The following MAML2 variants were observed in gnomAD, a reference collection of about 807,000 sequenced individuals.
MAML2 encodes mastermind-like protein 2.
MAML2 carries 22 observed loss-of-function variants against 96.1 expected under a neutral mutation model. That is an observed-to-expected ratio of 0.23 (90% CI 0.16 to 0.33). The LOEUF (loss-of-function observed/expected upper bound fraction) is 0.33, where lower values mean the gene tolerates loss of function less well. Ranked by LOEUF, MAML2 falls within the 10% of genes least tolerant of loss-of-function variation. The probability of loss-of-function intolerance (pLI) is 1.00; values close to 1 mark genes in which losing one functional copy is unlikely to be tolerated. For synonymous variants in MAML2, 561 were observed against 521.3 expected (o/e 1.08, Z -1.04); for missense variants, 1,367 against 1,392.4 (o/e 0.98, Z 0.29).
At chr11:96,044,690 T>G (rs1373563785) in intron 2 of MAML2, among the ~76,000 whole-genome samples, 1 of 152,190 alleles carries the variant, frequency 6.6e-6, no homozygotes, top group Non-Finnish European at 1.5e-5. Flanking sequence ...TATACAAGCA[T>G]TAGCTGCTGA....
chr11:96,092,553 T>G lies in MAML2; in HGVS notation c.1478A>C (p.Gln493Pro). The part of the protein sequence containing the change: ...PSFGQQTFSP[Q>P]SSPMPGVAGG... ...AGCTACCCCAGGCATGGGGGAGCTC[T>G]GTGGGCTGAATGTCTGCTGACCAAA... is the stretch of plus-strand genomic sequence containing the variant. Residue 493 changes from glutamine (Q) to proline (P), a missense_variant, in exon 2 of 5, where the codon CAG (glutamine) becomes CCG (proline). Transcript: ENST00000524717. The surrounding 1 kb of genome is among the most constrained non-coding windows in gnomAD (Gnocchi z 4.1). 1 of 1,603,932 alleles carries G rather than the reference T, an allele frequency of 6.2e-7. No individual in the cohort carries two copies. The highest frequency in any genetic ancestry group is 1.1e-5 in the South Asian group (1 of 89,812).
rs76645071 is a variant in MAML2, at chr11:96,101,301, A to T, written c.514-7784T>A. Among the ~76,000 whole-genome samples, 289 of 152,344 alleles carry T rather than the reference A, an allele frequency of 1.9e-3. 1 individual carries two copies. Among genetic ancestry groups the T allele is most frequent in the Non-Finnish European group, 3.2e-3 (219 of 68,036 alleles). Reference sequence around the variant, plus strand: ...GAAACACTCTTCATTACAGGGCAGAAAAAAGGCATTTCATGATAGCATTTT... The same window carrying T: ...GAAACACTCTTCATTACAGGGCAGATAAAAGGCATTTCATGATAGCATTTT... On this transcript the variant is annotated intron_variant, in intron 1 of 4. Transcript: ENST00000524717.
At chr11:96,319,293 A>G (rs1863672359) in intron 1 of MAML2, among the ~76,000 whole-genome samples, 1 of 152,196 alleles carries the variant, frequency 6.6e-6, no homozygotes, top group Non-Finnish European at 1.5e-5. Context: ...AGTAGTTGGA[A>G]TGCCATCTCA....
At chr11:96,307,133 C>T (rs963262157) in intron 1 of MAML2, among the ~76,000 whole-genome samples, 1 of 152,202 alleles carries the variant, frequency 6.6e-6, no homozygotes, top group Non-Finnish European at 1.5e-5. Context: ...TGAGCTTTCC[C>T]ATGGCAACAT....
At chr11:96,241,409 CAG>C (rs962185723) in intron 1 of MAML2, among the ~76,000 whole-genome samples, 3 of 152,188 alleles carry the variant, frequency 2.0e-5, no homozygotes, top group African/African-American at 4.8e-5. Context: ...TGGTCCTTGA[CAG>C]GGGGTGATTT....
intron 1 of MAML2, among the ~76,000 whole-genome samples, chr11:96,196,977 AT>A (rs1861742876): frequency 1.3e-5 from 2 of 151,724 alleles, no homozygotes; most frequent in South Asian, 4.2e-4. Flanking sequence ...TTTTCTATAA[AT>A]GTGGAATGTT....
rs557491470 is a variant in MAML2 at position 96,039,685 on chromosome 11, G to T, written c.2140-47962C>A. ...TCATCGGCCGGGCGCGGTGGCTCAC[G>T]CCTGTAATCCCAGCACTTTGGGAGG... On this transcript the variant is annotated intron_variant, in intron 2 of 4. Transcript: ENST00000524717. 8.7e-5 allele frequency among the ~76,000 whole-genome samples: 13 copies of T among 149,070 alleles called. No homozygotes were observed. The East Asian group carries it at 2.6e-3, about 30-fold the overall frequency.
At chr11:96,325,680 G>A (rs1463842123) in intron 1 of MAML2, among the ~76,000 whole-genome samples, 3 of 151,270 alleles carry the variant, frequency 2.0e-5, no homozygotes, top group Non-Finnish European at 2.9e-5. Context: ...TTCACAAACC[G>A]TACCTTTCAG....
intron 1 of MAML2, among the ~76,000 whole-genome samples, chr11:96,318,631 C>T (rs921682502): frequency 3.9e-5 from 6 of 152,190 alleles, no homozygotes; most frequent in Non-Finnish European, 8.8e-5. Context: ...ATCCTAATTA[C>T]ATGGGCCCAC....
intron 1 of MAML2, among the ~76,000 whole-genome samples, chr11:96,104,825 A>T (rs1859996188): frequency 1.3e-5 from 2 of 151,722 alleles, no homozygotes; most frequent in Non-Finnish European, 2.9e-5. Context: ...GGAAGAAGTG[A>T]AGAGGGAGAG....
At chr11:96,116,271 TC>T (rs1860238937) in intron 1 of MAML2, among the ~76,000 whole-genome samples, 1 of 152,208 alleles carries the variant, frequency 6.6e-6, no homozygotes. Flanking sequence ...TTTGCATATG[TC>T]CCTTCTCACT....
chr11:96,304,427 G>A (rs1277575149), intron 1 of MAML2, among the ~76,000 whole-genome samples: 1 of 152,176 alleles, frequency 6.6e-6, no homozygotes, highest in Non-Finnish European at 1.5e-5. Context: ...AAATGATAGA[G>A]GATAGATTAT....
intron 1 of MAML2, among the ~76,000 whole-genome samples, chr11:96,199,208 A>G: frequency 6.7e-6 from 1 of 149,586 alleles, no homozygotes. Flanking sequence ...AAAAAAAAAA[A>G]AAAAAAAAAA....
chr11:96,233,957 CCT>C (rs1862333301), intron 1 of MAML2, among the ~76,000 whole-genome samples: 1 of 152,064 alleles, frequency 6.6e-6, no homozygotes, highest in Non-Finnish European at 1.5e-5. Flanking sequence ...GAAATCCAGC[CCT>C]CTCTCCATTT....
At chr11:96,216,190 GAA>G (rs1565251698) in intron 1 of MAML2, among the ~76,000 whole-genome samples, 2 of 152,192 alleles carry the variant, frequency 1.3e-5, no homozygotes, top group Non-Finnish European at 2.9e-5. Context: ...TTGGACACAG[GAA>G]AAAGATTCTC....
chr11:96,118,858 A>T (rs11021435), intron 1 of MAML2, among the ~76,000 whole-genome samples: 4,218 of 152,166 alleles, frequency 0.028, 77 homozygotes, highest in Middle Eastern at 0.054. Flanking sequence ...ACAAAAAAAA[A>T]TTCTTTTTTT....
At chr11:96,186,562 C>A (rs751212482) in intron 1 of MAML2, among the ~76,000 whole-genome samples, 1 of 152,060 alleles carries the variant, frequency 6.6e-6, no homozygotes, top group African/African-American at 2.4e-5. Flanking sequence ...GCACTCCAGC[C>A]TGGGCAACAA....
chr11:96,303,546 G>A (rs1357551977), intron 1 of MAML2, among the ~76,000 whole-genome samples: 1 of 151,994 alleles, frequency 6.6e-6, no homozygotes, highest in Non-Finnish European at 1.5e-5. Flanking sequence ...ATCCCAGTGT[G>A]GCCCATATAA....
chr11:96,092,775 C>T lies in MAML2; in HGVS notation c.1256G>A (p.Gly419Glu), dbSNP rs780601495. ...QSQAQPQTGS[G>E]ASRALPSWQE... ...CCAGCTTGGCAAGGCCCGGCTTGCT[C>T]CGGAGCCTGTCTGAGGCTGAGCCTG... The change falls in exon 2 of 5, where the codon GGA becomes GAA. Residue 419 changes from glycine (G) to glutamate (E), a missense_variant. Physicochemically the swap from Gly to Glu is moderately conservative, Grantham distance 98. Coordinates refer to ENST00000524717, the MANE Select transcript of MAML2 (RefSeq NM_032427.4). The surrounding 1 kb of genome is among the most constrained non-coding windows in gnomAD (Gnocchi z 4.1). The T allele has an allele frequency of 2.5e-6, 4 of 1,613,104 alleles. No individual in the cohort carries two copies. The South Asian group carries it at 3.3e-5, about 13-fold the overall frequency.
Sources: gnomAD v4.1 joint callset for allele counts (sites outside exome capture counted in the v4.1 genomes callset) on GRCh38, gnomAD v4.1.1 for gene constraint, Gnocchi (gnomAD v3.1) non-coding constraint, MANE v1.5 for transcripts, NCBI Gene and HGNC (gene_info 2026-07-23, HGNC 2026-07-21) for gene names.